CSMD3: variants seen among roughly 807,000 people sequenced by gnomAD.
The protein encoded by CSMD3 is CUB and Sushi multiple domains 3.
A neutral mutation model predicts 435.2 loss-of-function variants in CSMD3; 177 were observed. The observed-to-expected ratio is 0.41, with a 90% CI of 0.36 to 0.46. The LOEUF is 0.46. CSMD3 is among the 20% of genes least tolerant of loss of function. The pLI is 0.34. For synonymous variants in CSMD3, 1,656 were observed against 1,520.5 expected (o/e 1.09, Z -2.07); for missense variants, 4,265 against 4,504.6 (o/e 0.95, Z 1.52).
At chr8:113,177,434 A>C (rs2092362881) in intron 3 of CSMD3, among the ~76,000 whole-genome samples, 1 of 152,012 alleles carries the variant, frequency 6.6e-6, no homozygotes. Flanking sequence ...AAAAGACTTC[A>C]GTTATCTTCT....
chr8:113,041,682 C>A (rs1389712788), intron 5 of CSMD3, among the ~76,000 whole-genome samples: 1 of 151,582 alleles, frequency 6.6e-6, no homozygotes, highest in African/African-American at 2.4e-5. Flanking sequence ...TATTGTCTTC[C>A]TTTTTAAACT....
At chr8:113,421,637 G>A (rs1383392000) in intron 1 of CSMD3, among the ~76,000 whole-genome samples, 1 of 152,090 alleles carries the variant, frequency 6.6e-6, no homozygotes, top group Non-Finnish European at 1.5e-5. Flanking sequence ...GTAGGCCTCA[G>A]AAATAGGATT....
chr8:113,274,200 A>AT (rs1285732141), intron 3 of CSMD3, among the ~76,000 whole-genome samples: 3 of 152,116 alleles, frequency 2.0e-5, no homozygotes, highest in South Asian at 2.1e-4. Flanking sequence ...TAATATATTG[A>AT]TTTTTTTGCT....
chr8:112,689,105 G>T (rs1005869316), intron 14 of CSMD3, among the ~76,000 whole-genome samples: 3 of 152,010 alleles, frequency 2.0e-5, no homozygotes, highest in Admixed American at 6.6e-5. Context: ...CTTGGTTAAA[G>T]ATAAGAACTA....
intron 1 of CSMD3, among the ~76,000 whole-genome samples, chr8:113,377,920 G>A (rs1018764436): frequency 5.3e-5 from 8 of 152,060 alleles, no homozygotes; most frequent in Non-Finnish European, 7.4e-5. Flanking sequence ...CCTGAAAATG[G>A]TGTGCTTGCT....
chr8:113,296,311 T>TAAC (rs1229592423), intron 2 of CSMD3, among the ~76,000 whole-genome samples: 3 of 150,354 alleles, frequency 2.0e-5, no homozygotes, highest in Admixed American at 6.7e-5. Context: ...ATAATAATAA[T>TAAC]AATAATAGAA....
intron 11 of CSMD3, among the ~76,000 whole-genome samples, chr8:112,849,544 C>A (rs1447005107): frequency 1.3e-5 from 2 of 151,770 alleles, no homozygotes; most frequent in Non-Finnish European, 2.9e-5. Flanking sequence ...GTTTTAATCA[C>A]CTGGATTTTC....
intron 38 of CSMD3, 98 bp from the exon 39 acceptor site, chr8:112,352,632 CA>C: frequency 9.8e-7 from 1 of 1,024,290 alleles, no homozygotes; most frequent in South Asian, 1.3e-5. Context: ...AGTGTCTCAT[CA>C]AACTAGATAC....
intron 5 of CSMD3, among the ~76,000 whole-genome samples, chr8:113,097,330 G>A (rs1335352427): frequency 6.6e-6 from 1 of 152,002 alleles, no homozygotes; most frequent in Non-Finnish European, 1.5e-5. Flanking sequence ...CTACATAACA[G>A]CATTGTTCTA....
intron 3 of CSMD3, among the ~76,000 whole-genome samples, chr8:113,217,595 C>T (rs983616734): frequency 3.3e-5 from 5 of 151,356 alleles, no homozygotes; most frequent in African/African-American, 7.3e-5. Context: ...AATTTAACAG[C>T]GTATTCAAAA....
chr8:112,615,097 G>T (rs555544849), intron 22 of CSMD3, among the ~76,000 whole-genome samples: 68 of 152,154 alleles, frequency 4.5e-4, no homozygotes, highest in South Asian at 8.3e-4. Context: ...AGTTTGAAAA[G>T]AATATAGAAC....
At chr8:112,423,281 A>G (rs761632701) in intron 32 of CSMD3, among the ~76,000 whole-genome samples, 2 of 152,202 alleles carry the variant, frequency 1.3e-5, no homozygotes, top group South Asian at 2.1e-4. Context: ...GGCTATTTCA[A>G]TCTTTGCTAT....
intron 11 of CSMD3, among the ~76,000 whole-genome samples, chr8:112,839,753 TA>T (rs200646501): frequency 0.011 from 1,704 of 151,678 alleles, 30 homozygotes; most frequent in African/African-American, 0.038. Flanking sequence ...TATTTTTATA[TA>T]AAAAAACTTT....
At chr8:112,958,040 A>AAT (rs1370136996) in intron 7 of CSMD3, among the ~76,000 whole-genome samples, 3 of 152,296 alleles carry the variant, frequency 2.0e-5, no homozygotes, top group Middle Eastern at 3.4e-3. Context: ...TGTATGAATG[A>AAT]ATATATATAA....
At chr8:113,378,693 G>T (rs1225877444) in intron 1 of CSMD3, among the ~76,000 whole-genome samples, 1 of 152,004 alleles carries the variant, frequency 6.6e-6, no homozygotes, top group Non-Finnish European at 1.5e-5. Flanking sequence ...TTCAGCTAGG[G>T]GAGATATTGC....
intron 3 of CSMD3, among the ~76,000 whole-genome samples, chr8:113,183,039 A>G (rs2092446520): frequency 2.0e-5 from 3 of 152,074 alleles, no homozygotes; most frequent in Admixed American, 2.0e-4. Context: ...ATGGCCATGC[A>G]TAGATCCTGC....
At chr8:113,182,060 C>T (rs1210290862) in intron 3 of CSMD3, among the ~76,000 whole-genome samples, 1 of 151,826 alleles carries the variant, frequency 6.6e-6, no homozygotes, top group Non-Finnish European at 1.5e-5. Flanking sequence ...TATTGAAGCC[C>T]GAGGCACAAA....
chr8:112,962,375 A>T (rs1471337292), intron 7 of CSMD3, among the ~76,000 whole-genome samples: 1 of 151,948 alleles, frequency 6.6e-6, no homozygotes, highest in African/African-American at 2.4e-5. Flanking sequence ...GAAATCACTT[A>T]TGTATATTAT....
intron 4 of CSMD3, among the ~76,000 whole-genome samples, chr8:113,149,226 A>C (rs576092137): frequency 6.6e-6 from 1 of 151,930 alleles, no homozygotes; most frequent in South Asian, 2.1e-4. Flanking sequence ...GGACACGGAA[A>C]ATGCTCACCA....
Sources: gnomAD v4.1 joint callset for allele counts (sites outside exome capture counted in the v4.1 genomes callset) on GRCh38, gnomAD v4.1.1 for gene constraint, MANE v1.5 for transcripts, NCBI Gene and HGNC (gene_info 2026-07-23, HGNC 2026-07-21) for gene names.